TMEM178B: variants seen among roughly 807,000 people sequenced by gnomAD.
TMEM178B encodes the protein transmembrane protein 178B.
TMEM178B carries 5 observed loss-of-function variants against 31.0 expected under a neutral mutation model. The ratio of observed to expected loss-of-function variants is 0.16; its 90% confidence interval spans 0.08 to 0.34. TMEM178B has a LOEUF of 0.34. Ranked by LOEUF, TMEM178B falls within the 10% of genes least tolerant of loss-of-function variation. The probability of loss-of-function intolerance (pLI) is 1.00; values close to 1 mark genes in which losing one functional copy is unlikely to be tolerated. For missense variants in TMEM178B, 275 were observed against 400.3 expected (o/e 0.69, Z 2.67); for synonymous variants, 164 against 164.0 (o/e 1.00, Z 0.00).
intron 2 of TMEM178B, among the ~76,000 whole-genome samples, chr7:141,244,662 C>G (rs1797696237): frequency 6.6e-6 from 1 of 152,060 alleles, no homozygotes; most frequent in Admixed American, 6.6e-5. Context: ...GCTGGAGATG[C>G]TTGTGGGCAC....
chr7:141,239,793 C>T (rs373877304), intron 2 of TMEM178B, among the ~76,000 whole-genome samples: 1 of 152,108 alleles, frequency 6.6e-6, no homozygotes, highest in Non-Finnish European at 1.5e-5. Flanking sequence ...TTCCATAGGA[C>T]TTGGTGGATC....
At chr7:141,423,661 T>C in intron 2 of TMEM178B, among the ~76,000 whole-genome samples, 1 of 152,214 alleles carries the variant, frequency 6.6e-6, no homozygotes, top group East Asian at 1.9e-4. Flanking sequence ...CAGATGCTGG[T>C]CTTCTAGCCT....
intron 2 of TMEM178B, among the ~76,000 whole-genome samples, chr7:141,380,016 C>G (rs1284262682): frequency 6.6e-6 from 1 of 152,182 alleles, no homozygotes; most frequent in Non-Finnish European, 1.5e-5. Context: ...TTTCTTACTA[C>G]TCTAGATGTA....
chr7:141,112,553 C>T lies in TMEM178B; in HGVS notation c.382+37861C>T, dbSNP rs372257855. 5.9e-5 allele frequency among the ~76,000 whole-genome samples: 9 copies of T among 152,306 alleles called. No individual in the cohort carries two copies. The East Asian group carries it at 7.7e-4, about 13-fold the overall frequency. ...ACAGGCATGAGCCACCACGCCTAAC[C>T]GAAGTCTTTTATTACTGGATTAGAA... is the stretch of plus-strand genomic sequence containing the variant. On this transcript the variant is annotated intron_variant, in intron 1 of 3. Coordinates refer to ENST00000565468, the MANE Select transcript of TMEM178B (RefSeq NM_001195278.2).
chr7:141,495,144 G>A, the TMEM178B span, among the ~76,000 whole-genome samples: 1 of 152,180 alleles, frequency 6.6e-6, no homozygotes, highest in African/African-American at 2.4e-5. Flanking sequence ...GGACCAACAT[G>A]TCAAATCCCA....
intron 2 of TMEM178B, among the ~76,000 whole-genome samples, chr7:141,382,729 G>A (rs888095869): frequency 6.6e-6 from 1 of 152,144 alleles, no homozygotes; most frequent in Non-Finnish European, 1.5e-5. Context: ...TAATATATAT[G>A]TAATGACAAA....
At chr7:141,112,314 A>T (rs978495418) in intron 1 of TMEM178B, among the ~76,000 whole-genome samples, 4 of 152,220 alleles carry the variant, frequency 2.6e-5, no homozygotes, top group African/African-American at 9.6e-5. Flanking sequence ...GTGCAATGGC[A>T]TGACCACGGC....
chr7:141,198,973 G>A (rs1796830630), intron 1 of TMEM178B, among the ~76,000 whole-genome samples: 1 of 152,166 alleles, frequency 6.6e-6, no homozygotes, highest in African/African-American at 2.4e-5. Flanking sequence ...GTAATCTAAA[G>A]CCATACCTCA....
chr7:141,083,789 A>G lies in TMEM178B; in HGVS notation c.382+9097A>G, dbSNP rs559359637. ...AAATGGTAAATTACCCCAAGGAAAA[A>G]AAAATACATTTAAACACTCAATAGA... is the stretch of plus-strand genomic sequence containing the variant. On this transcript the variant is annotated intron_variant, in intron 1 of 3. Coordinates refer to ENST00000565468, the MANE Select transcript of TMEM178B (RefSeq NM_001195278.2). Among the ~76,000 whole-genome samples the G allele has an allele frequency of 3.3e-5, 5 of 152,332 alleles. No individual in the cohort carries two copies. The South Asian group carries it at 8.3e-4, about 25-fold the overall frequency.
At chr7:141,296,375 A>G (rs945858292) in intron 2 of TMEM178B, among the ~76,000 whole-genome samples, 2 of 152,200 alleles carry the variant, frequency 1.3e-5, no homozygotes, top group Admixed American at 6.5e-5. Context: ...GCCAGGAAGC[A>G]GTACTTTCCA....
At chr7:141,185,801 C>T (rs1176478390) in intron 1 of TMEM178B, among the ~76,000 whole-genome samples, 4 of 152,062 alleles carry the variant, frequency 2.6e-5, no homozygotes, top group Non-Finnish European at 4.4e-5. Context: ...CCCTCCTCTA[C>T]CCAGCACTTC....
At chr7:141,495,737 A>G in the TMEM178B span, among the ~76,000 whole-genome samples, 2 of 152,238 alleles carry the variant, frequency 1.3e-5, no homozygotes, top group African/African-American at 2.4e-5. Flanking sequence ...TATAGTCACT[A>G]AAACAACCAA....
At chr7:141,119,893 C>A (rs760318001) in intron 1 of TMEM178B, among the ~76,000 whole-genome samples, 2 of 152,190 alleles carry the variant, frequency 1.3e-5, no homozygotes, top group Non-Finnish European at 2.9e-5. Flanking sequence ...GGGCAGAGCT[C>A]TGCCATCACC....
At chr7:141,399,939 GA>G (rs1362428726) in intron 2 of TMEM178B, among the ~76,000 whole-genome samples, 1 of 152,054 alleles carries the variant, frequency 6.6e-6, no homozygotes, top group Non-Finnish European at 1.5e-5. Context: ...CATCTAAAAA[GA>G]AAATGTAGTG....
chr7:141,219,073 C>A (rs538249568), intron 2 of TMEM178B, among the ~76,000 whole-genome samples: 1 of 152,330 alleles, frequency 6.6e-6, no homozygotes, highest in Admixed American at 6.5e-5. Flanking sequence ...GTAAGCACCT[C>A]TTTTTGTTCA....
At chr7:141,468,397 G>A (rs1035157592) in intron 3 of TMEM178B, among the ~76,000 whole-genome samples, 5 of 152,152 alleles carry the variant, frequency 3.3e-5, no homozygotes, top group Non-Finnish European at 5.9e-5. Flanking sequence ...GTGAAACAAG[G>A]GAAACCCATG....
intron 2 of TMEM178B, among the ~76,000 whole-genome samples, chr7:141,384,336 GT>G (rs1434998218): frequency 6.6e-6 from 1 of 152,136 alleles, no homozygotes; most frequent in Non-Finnish European, 1.5e-5. Flanking sequence ...TTCTTCTAGG[GT>G]TTTTATGGTT....
intron 2 of TMEM178B, among the ~76,000 whole-genome samples, chr7:141,225,302 TC>T (rs989928154): frequency 6.6e-5 from 10 of 152,170 alleles, no homozygotes; most frequent in Admixed American, 3.3e-4. Context: ...ATAGGCTCTA[TC>T]TTATTATCTA....
intron 2 of TMEM178B, among the ~76,000 whole-genome samples, chr7:141,420,340 G>A (rs1801181341): frequency 6.6e-6 from 1 of 152,060 alleles, no homozygotes; most frequent in African/African-American, 2.4e-5. Context: ...TGCATTGAAT[G>A]AATAAATAAA....
Sources: gnomAD v4.1 joint callset for allele counts (sites outside exome capture counted in the v4.1 genomes callset) on GRCh38, gnomAD v4.1.1 for gene constraint, MANE v1.5 for transcripts, NCBI Gene and HGNC (gene_info 2026-07-23, HGNC 2026-07-21) for gene names.